The following HDAC4 variants were observed in gnomAD, a reference collection of about 807,000 sequenced individuals.
HDAC4 encodes histone deacetylase A.
A neutral mutation model predicts 135.1 loss-of-function variants in HDAC4; 16 were observed. That is an observed-to-expected ratio of 0.12 (90% CI 0.08 to 0.18). HDAC4 has a LOEUF of 0.18. Ranked by LOEUF, HDAC4 falls within the 10% of genes least tolerant of loss-of-function variation. The pLI, the probability that HDAC4 is intolerant of heterozygous loss-of-function variation, is 1.00. For missense variants in HDAC4, 1,143 were observed against 1,511.8 expected (o/e 0.76, Z 4.05); for synonymous variants, 685 against 653.4 (o/e 1.05, Z -0.74).
rs1219100763 is a variant in HDAC4, at chr2:239,115,888, C to A, written c.1534-578G>T. ...CCCTTCCTGCTGAATCCCAGGGATG[C>A]CACGGCCTCCCCTTCTGCAGGATCT... On this transcript the variant is annotated intron_variant, in intron 12 of 26. Transcript: ENST00000543185. The surrounding 1 kb of genome is among the most constrained non-coding windows in gnomAD (Gnocchi z 6.3). Among the ~76,000 whole-genome samples the A allele has an allele frequency of 2.6e-5, 4 of 152,178 alleles. No homozygotes were observed. Among genetic ancestry groups the A allele is most frequent in the African/African-American group, 9.7e-5 (4 of 41,438 alleles).
intron 1 of HDAC4, among the ~76,000 whole-genome samples, chr2:239,354,175 G>A (rs1399115130): frequency 2.0e-5 from 3 of 152,034 alleles, no homozygotes; most frequent in East Asian, 1.9e-4. Context: ...TGTCTATCAC[G>A]TTCTCTGTGC....
intron 2 of HDAC4, among the ~76,000 whole-genome samples, chr2:239,284,206 G>A (rs891487339): frequency 2.0e-5 from 3 of 152,232 alleles, no homozygotes; most frequent in East Asian, 3.9e-4. Context: ...GGACAGTGCC[G>A]GTCCTGAGCC....
At chr2:239,356,020 T>C (rs1214373673) in intron 1 of HDAC4, among the ~76,000 whole-genome samples, 2 of 152,194 alleles carry the variant, frequency 1.3e-5, no homozygotes, top group African/African-American at 4.8e-5. Context: ...TGCAAAACTG[T>C]ATACTAAAAA....
At chr2:239,119,354 C>A (rs1372152793) in intron 12 of HDAC4, among the ~76,000 whole-genome samples, 1 of 152,144 alleles carries the variant, frequency 6.6e-6, no homozygotes, top group Non-Finnish European at 1.5e-5. Flanking sequence ...CCAGGACGGG[C>A]CTTCAGGAAG....
intron 5 of HDAC4, among the ~76,000 whole-genome samples, chr2:239,168,646 G>A (rs1050415771): frequency 4.6e-5 from 7 of 152,212 alleles, no homozygotes; most frequent in African/African-American, 1.2e-4. Context: ...TGTCCCCCGC[G>A]CCGGCCCGCC....
intron 12 of HDAC4, among the ~76,000 whole-genome samples, chr2:239,123,547 T>A (rs2039878585): frequency 6.6e-6 from 1 of 152,214 alleles, no homozygotes; most frequent in Admixed American, 6.5e-5. Flanking sequence ...TGCAGCCCCA[T>A]GATGGCTCAC....
chr2:239,325,089 G>A (rs1229506650), intron 2 of HDAC4, among the ~76,000 whole-genome samples: 3 of 152,116 alleles, frequency 2.0e-5, no homozygotes, highest in Non-Finnish European at 4.4e-5. Flanking sequence ...CAAAACTTAA[G>A]GCAGAATACA....
At chr2:239,137,803 G>A (rs76092435) in intron 9 of HDAC4, among the ~76,000 whole-genome samples, 3,421 of 152,322 alleles carry the variant, frequency 0.022, 122 homozygotes, top group African/African-American at 0.072. Context: ...GATCCAACAT[G>A]CAAAGGCTGC....
At chr2:239,224,596 T>A (rs1340052104) in intron 3 of HDAC4, among the ~76,000 whole-genome samples, 1 of 152,226 alleles carries the variant, frequency 6.6e-6, no homozygotes, top group Non-Finnish European at 1.5e-5. Context: ...TGCTCTGCCT[T>A]CCCTGCTCTA....
intron 11 of HDAC4, among the ~76,000 whole-genome samples, chr2:239,127,186 T>C (rs1448152218): frequency 6.6e-6 from 1 of 152,184 alleles, no homozygotes; most frequent in Non-Finnish European, 1.5e-5. Context: ...AGGGTTGACA[T>C]CGTTTTAAGG....
At chr2:239,212,225 T>C (rs952696341) in intron 3 of HDAC4, among the ~76,000 whole-genome samples, 3 of 152,070 alleles carry the variant, frequency 2.0e-5, no homozygotes, top group Admixed American at 6.6e-5. Context: ...TCTCTAACCT[T>C]AATTGTGAGA....
chr2:239,276,553 C>T (rs953783177), intron 2 of HDAC4, among the ~76,000 whole-genome samples: 3 of 152,246 alleles, frequency 2.0e-5, no homozygotes, highest in African/African-American at 4.8e-5. Context: ...ACCTAAGTCC[C>T]TCTAGCTGGA....
chr2:239,232,349 C>T (rs1021518066), intron 3 of HDAC4, among the ~76,000 whole-genome samples: 19 of 152,238 alleles, frequency 1.2e-4, no homozygotes, highest in African/African-American at 4.3e-4. Flanking sequence ...CTGACTAATT[C>T]CATACCTTCT....
At chr2:239,093,940 GAATA>G (rs1422427133) in intron 17 of HDAC4, 1 of 985,130 alleles carries the variant, frequency 1.0e-6, no homozygotes, top group Admixed American at 6.1e-5. Flanking sequence ...GTGGTGGTAT[GAATA>G]AATGCCGTTT....
At chr2:239,225,243 C>T (rs543781744) in intron 3 of HDAC4, among the ~76,000 whole-genome samples, 3 of 152,280 alleles carry the variant, frequency 2.0e-5, no homozygotes, top group African/African-American at 7.2e-5. Flanking sequence ...AGAACTTATC[C>T]AAAGCAGCCC....
rs2030380047 is a variant in HDAC4 at position 239,048,891 on chromosome 2, G to T, written c.*4206C>A. 6.6e-6 allele frequency: 1 copy of T among 152,240 alleles called. No homozygotes were observed. Among genetic ancestry groups the T allele is most frequent in the South Asian group, 2.1e-4 (1 of 4,832 alleles). The allele number at this position is 152,240 out of a possible 1,614,324, so 9.4% of individuals were successfully genotyped here. A position where few individuals can be genotyped will look rare whatever the true frequency, so the allele number is the denominator to read the frequency against. ...TAAAAGTAATTAAAAAGTCAACACAGCTGTGCGGAAAAGGGGACTCTTTCG... is the reference window on the plus strand; with the variant it reads ...TAAAAGTAATTAAAAAGTCAACACATCTGTGCGGAAAAGGGGACTCTTTCG... On this transcript the variant is annotated 3_prime_UTR_variant, in exon 27 of 27. Transcript: ENST00000543185.
intron 11 of HDAC4, among the ~76,000 whole-genome samples, chr2:239,132,612 C>T (rs143766047): frequency 2.0e-5 from 3 of 152,316 alleles, no homozygotes; most frequent in African/African-American, 4.8e-5. Flanking sequence ...GAGGGATGAG[C>T]GCACACAGGG....
intron 4 of HDAC4, among the ~76,000 whole-genome samples, chr2:239,185,655 C>G (rs1235576247): frequency 6.6e-6 from 1 of 152,126 alleles, no homozygotes; most frequent in Non-Finnish European, 1.5e-5. Flanking sequence ...GCCATGGCTT[C>G]GTGGCCTGTC....
At chr2:239,194,483 C>T (rs958727224) in intron 3 of HDAC4, among the ~76,000 whole-genome samples, 2 of 152,198 alleles carry the variant, frequency 1.3e-5, no homozygotes, top group Non-Finnish European at 2.9e-5. Context: ...GCCTCACAGG[C>T]ACACAGCTGA....
Sources: allele counts gnomAD v4.1 joint callset (sites outside exome capture counted in the v4.1 genomes callset), GRCh38; gene constraint gnomAD v4.1.1; non-coding constraint Gnocchi (gnomAD v3.1); transcripts MANE v1.5; gene names NCBI Gene and HGNC (gene_info 2026-07-23, HGNC 2026-07-21).